Variants in MYO3B observed in about 807,000 individuals in gnomAD.
The protein encoded by MYO3B is myosin IIIB.
Under a neutral mutation model 174.6 loss-of-function variants are expected in MYO3B, and 156 were observed. The observed-to-expected ratio is 0.89, with a 90% CI of 0.78 to 1.02. The LOEUF (loss-of-function observed/expected upper bound fraction) is 1.02, where lower values mean the gene tolerates loss of function less well. Ranked by LOEUF, MYO3B falls within the 50% of genes least tolerant of loss-of-function variation. The probability of loss-of-function intolerance (pLI) is 0.00; values close to 1 mark genes in which losing one functional copy is unlikely to be tolerated. For synonymous variants in MYO3B, 563 were observed against 569.1 expected (o/e 0.99, Z 0.15); for missense variants, 1,632 against 1,639.4 (o/e 1.00, Z 0.08).
chr2:170,517,681 A>C (rs149707989), intron 29 of MYO3B, among the ~76,000 whole-genome samples: 50 of 152,300 alleles, frequency 3.3e-4, no homozygotes, highest in African/African-American at 1.1e-3. Context: ...TTTCCTTCTT[A>C]ACAGGGAAAC....
At chr2:170,525,262 G>A (rs1365291831) in intron 30 of MYO3B, among the ~76,000 whole-genome samples, 1 of 152,194 alleles carries the variant, frequency 6.6e-6, no homozygotes, top group African/African-American at 2.4e-5. Context: ...TGGTTGGGTT[G>A]ATGCTTCTCT....
At chr2:170,353,413 G>A (rs1485636272) in intron 8 of MYO3B, among the ~76,000 whole-genome samples, 1 of 152,128 alleles carries the variant, frequency 6.6e-6, no homozygotes, top group Non-Finnish European at 1.5e-5. Flanking sequence ...GGCAGGGAGG[G>A]AGGGGAAGAA....
At chr2:170,611,456 T>C (rs907245271) in intron 32 of MYO3B, among the ~76,000 whole-genome samples, 48 of 152,118 alleles carry the variant, frequency 3.2e-4, no homozygotes, top group Middle Eastern at 3.2e-3. Context: ...ACGTAAAATT[T>C]GTAAAATGGG....
At chr2:170,249,035 G>A (rs375191008) in intron 7 of MYO3B, among the ~76,000 whole-genome samples, 3 of 152,176 alleles carry the variant, frequency 2.0e-5, no homozygotes, top group Non-Finnish European at 2.9e-5. Context: ...CTTTGGCCAC[G>A]TTTACTGCCT....
chr2:170,350,608 AAAGTTC>A (rs1294576442), intron 8 of MYO3B: 1 of 152,236 alleles, frequency 6.6e-6, no homozygotes, highest in East Asian at 1.9e-4. Flanking sequence ...GAGATGTGGA[AAAGTTC>A]AAGGCCTGTG....
At chr2:170,586,239 T>A (rs1693489496) in intron 32 of MYO3B, among the ~76,000 whole-genome samples, 1 of 152,202 alleles carries the variant, frequency 6.6e-6, no homozygotes, top group Non-Finnish European at 1.5e-5. Context: ...TCTTTGACTT[T>A]GTGGGATGTA....
At chr2:170,640,140 A>T (rs1024295204) in intron 32 of MYO3B, among the ~76,000 whole-genome samples, 2 of 152,226 alleles carry the variant, frequency 1.3e-5, no homozygotes, top group African/African-American at 2.4e-5. Context: ...ACTGGGAAGG[A>T]GGAGGAACTT....
intron 8 of MYO3B, among the ~76,000 whole-genome samples, chr2:170,361,793 T>C (rs145718476): frequency 7.0e-4 from 107 of 152,368 alleles, no homozygotes; most frequent in African/African-American, 2.4e-3. Context: ...AGACTGATTC[T>C]GCCTTTTGTC....
intron 17 of MYO3B, among the ~76,000 whole-genome samples, chr2:170,400,677 G>C (rs545213764): frequency 6.7e-4 from 101 of 150,438 alleles, no homozygotes; most frequent in Non-Finnish European, 1.2e-3. Flanking sequence ...CAAAGTGTTG[G>C]GATTCACCCA....
At chr2:170,386,978 A>G (rs981247286) in intron 13 of MYO3B, 128 bp from the exon 14 acceptor site, 108 of 781,756 alleles carry the variant, frequency 1.4e-4, no homozygotes, top group Non-Finnish European at 2.9e-5. Context: ...GGTTGATGCT[A>G]ACGTCCCCCA....
At chr2:170,297,329 C>T (rs2093635325) in intron 7 of MYO3B, among the ~76,000 whole-genome samples, 1 of 151,362 alleles carries the variant, frequency 6.6e-6, no homozygotes, top group Admixed American at 6.6e-5. Flanking sequence ...GACATGCACC[C>T]ACAGACAGTT....
rs541505926 is a variant in MYO3B, at chr2:170,488,283, A to ATT, written c.3015-10307_3015-10306dup. The stretch of plus-strand genomic sequence containing the variant: ...TAGAAAAGTAGCAGTGGTTTTATTT[A>ATT]TTTATTTATTTATTTTATTCATTTA... On this transcript the variant is annotated intron_variant, in intron 25 of 34. Transcript: ENST00000408978. Among the ~76,000 whole-genome samples, 193 of 152,202 alleles carry ATT rather than the reference A, an allele frequency of 1.3e-3. 1 individual carries two copies. The highest frequency in any genetic ancestry group is 0.01 in the Middle Eastern group (3 of 294).
At chr2:170,647,104 T>G (rs1263578821) in intron 32 of MYO3B, among the ~76,000 whole-genome samples, 1 of 152,218 alleles carries the variant, frequency 6.6e-6, no homozygotes, top group Non-Finnish European at 1.5e-5. Context: ...TAAAGTTTTT[T>G]GGAGAATGTT....
chr2:170,182,799 C>T (rs1042438801), intron 1 of MYO3B, among the ~76,000 whole-genome samples: 9 of 151,636 alleles, frequency 5.9e-5, no homozygotes, highest in Non-Finnish European at 8.8e-5. Flanking sequence ...TTAGTAGAGA[C>T]GAGGTTTCAC....
chr2:170,341,667 C>A (rs1574816494), intron 8 of MYO3B, among the ~76,000 whole-genome samples: 1 of 152,064 alleles, frequency 6.6e-6, no homozygotes, highest in African/African-American at 2.4e-5. Flanking sequence ...GTTAACCCCC[C>A]CCAAATTATC....
At chr2:170,295,524 C>CT (rs1280123841) in intron 7 of MYO3B, among the ~76,000 whole-genome samples, 3 of 151,984 alleles carry the variant, frequency 2.0e-5, no homozygotes, top group African/African-American at 7.2e-5. Context: ...ACTTAAAAAG[C>CT]TTTAACTCTA....
chr2:170,406,691 T>TTTCG (rs1391696035), intron 21 of MYO3B, among the ~76,000 whole-genome samples: 2 of 151,932 alleles, frequency 1.3e-5, no homozygotes, highest in African/African-American at 4.8e-5. Flanking sequence ...TTCTTGACTC[T>TTTCG]TACTATTTTC....
intron 30 of MYO3B, among the ~76,000 whole-genome samples, chr2:170,530,225 C>T (rs779617878): frequency 2.0e-5 from 3 of 152,112 alleles, no homozygotes; most frequent in South Asian, 2.1e-4. Context: ...AGAGAGCTCT[C>T]GTGAAACAGA....
chr2:170,625,310 G>C (rs1696315913), intron 32 of MYO3B, among the ~76,000 whole-genome samples: 1 of 152,230 alleles, frequency 6.6e-6, no homozygotes, highest in South Asian at 2.1e-4. Context: ...TATATGTGTG[G>C]AGGTATTTAT....
Sources: gnomAD v4.1 joint callset for allele counts (sites outside exome capture counted in the v4.1 genomes callset) on GRCh38, gnomAD v4.1.1 for gene constraint, MANE v1.5 for transcripts, NCBI Gene and HGNC (gene_info 2026-07-23, HGNC 2026-07-21) for gene names.